ADAMTS3: variants seen among roughly 807,000 people sequenced by gnomAD.
ADAMTS3 encodes ADAM metallopeptidase with thrombospondin type 1 motif 3.
ADAMTS3 carries 73 observed loss-of-function variants against 129.0 expected under a neutral mutation model. The observed-to-expected ratio is 0.57, with a 90% CI of 0.47 to 0.69. ADAMTS3 has a LOEUF of 0.69. Ranked by LOEUF, ADAMTS3 falls within the 30% of genes least tolerant of loss-of-function variation. ADAMTS3 has a pLI of 0.00. For synonymous variants in ADAMTS3, 477 were observed against 510.8 expected (o/e 0.93, Z 0.89); for missense variants, 1,457 against 1,514.5 (o/e 0.96, Z 0.63).
intron 5 of ADAMTS3, among the ~76,000 whole-genome samples, chr4:72,330,218 C>T (rs1719810153): frequency 1.3e-5 from 2 of 152,024 alleles, no homozygotes; most frequent in African/African-American, 4.8e-5. Context: ...GGGGTTTCAC[C>T]ATGTTGGCCA....
intron 10 of ADAMTS3, among the ~76,000 whole-genome samples, chr4:72,317,420 G>T (rs1044062106): frequency 6.7e-6 from 1 of 149,932 alleles, no homozygotes; most frequent in Non-Finnish European, 1.5e-5. Flanking sequence ...AAACACTTAC[G>T]TTCCTTGCTC....
intron 4 of ADAMTS3, among the ~76,000 whole-genome samples, chr4:72,362,103 T>C (rs1205405570): frequency 1.3e-5 from 2 of 152,158 alleles, no homozygotes; most frequent in African/African-American, 4.8e-5. Context: ...CCATGATTTC[T>C]TGATCATTGA....
intron 5 of ADAMTS3, among the ~76,000 whole-genome samples, chr4:72,329,696 T>C (rs1719794242): frequency 6.6e-6 from 1 of 152,100 alleles, no homozygotes; most frequent in Admixed American, 6.6e-5. Context: ...GTTTAATCGC[T>C]TCCTTCCTAG....
intron 3 of ADAMTS3, among the ~76,000 whole-genome samples, chr4:72,420,646 T>C (rs1722420610): frequency 1.3e-5 from 2 of 152,206 alleles, no homozygotes. Flanking sequence ...TTTGTTCAGC[T>C]TGTTCAACTA....
chr4:72,423,621 T>C (rs761686291), intron 3 of ADAMTS3, among the ~76,000 whole-genome samples: 21 of 152,130 alleles, frequency 1.4e-4, no homozygotes, highest in Non-Finnish European at 2.8e-4. Context: ...GTTTGTTACA[T>C]ATGTATACAT....
chr4:72,555,348 C>T (rs1721735524), intron 2 of ADAMTS3, among the ~76,000 whole-genome samples: 1 of 151,716 alleles, frequency 6.6e-6, no homozygotes, highest in Non-Finnish European at 1.5e-5. Flanking sequence ...CTTAAGCATG[C>T]CTACATTCAC....
chr4:72,386,488 AACTATACCATC>A (rs1230248854), intron 4 of ADAMTS3, among the ~76,000 whole-genome samples: 15 of 152,150 alleles, frequency 9.9e-5, no homozygotes, highest in African/African-American at 3.4e-4. Flanking sequence ...TTTTTAAAGT[AACTATACCATC>A]AGTGCAATAA....
chr4:72,353,861 T>C (rs1720505537), intron 4 of ADAMTS3, among the ~76,000 whole-genome samples: 1 of 151,964 alleles, frequency 6.6e-6, no homozygotes, highest in South Asian at 2.1e-4. Context: ...ACCTGCAGGA[T>C]CCCTCCTACT....
At position 72,548,661 on chromosome 4, in the gene ADAMTS3, A is replaced by C; in HGVS notation, c.321T>G (p.Val107=). Residue 107 remains valine (V), a synonymous_variant, in exon 3 of 22, where the codon GTT becomes GTG. Coordinates refer to ENST00000286657, the MANE Select transcript of ADAMTS3 (RefSeq NM_014243.3). ...CCAGAGATGTCTCATGCCACTCCAC[A>C]ACAGCCCCAGGAGCTACTAGTTGAG... ...PNTQLVAPGA[V]VEWHETSLVP... 5.0e-6 allele frequency: 8 copies of C among 1,614,020 alleles called. No individual in the cohort carries two copies. The highest frequency in any genetic ancestry group is 6.8e-6 in the Non-Finnish European group (8 of 1,179,934).
intron 4 of ADAMTS3, among the ~76,000 whole-genome samples, chr4:72,340,159 A>G (rs548682564): frequency 1.5e-4 from 23 of 152,272 alleles, no homozygotes; most frequent in African/African-American, 5.3e-4. Context: ...CTTTCCAGTA[A>G]CCTTAATTTA....
intron 3 of ADAMTS3, among the ~76,000 whole-genome samples, chr4:72,474,547 C>A (rs1269589278): frequency 6.6e-6 from 1 of 151,810 alleles, no homozygotes; most frequent in East Asian, 1.9e-4. Context: ...ATAAACAGAG[C>A]CTCAGAAACC....
chr4:72,412,554 T>C (rs1722208305), intron 4 of ADAMTS3, among the ~76,000 whole-genome samples: 1 of 152,074 alleles, frequency 6.6e-6, no homozygotes, highest in South Asian at 2.1e-4. Context: ...GTTGCACTTC[T>C]AACATATATG....
chr4:72,555,853 G>A (rs1255095441), intron 2 of ADAMTS3, among the ~76,000 whole-genome samples: 1 of 151,526 alleles, frequency 6.6e-6, no homozygotes, highest in Non-Finnish European at 1.5e-5. Context: ...AAGGTGTGTA[G>A]TACTTTCCCC....
chr4:72,510,819 CAAAAAAAAAA>C (rs869030257), intron 3 of ADAMTS3, among the ~76,000 whole-genome samples: 7 of 63,670 alleles, frequency 1.1e-4, no homozygotes, highest in African/African-American at 4.1e-4. Context: ...ATCCTTAAGC[CAAAAAAAAAA>C]AAAAAAAAAA....
Position 72,319,879 on chromosome 4 carries a change from A to G in ADAMTS3, c.1187T>C (p.Val396Ala). The G allele has an allele frequency of 6.2e-7, 1 of 1,613,792 alleles. No individual in the cohort carries two copies. The highest frequency in any genetic ancestry group is 8.5e-7 in the Non-Finnish European group (1 of 1,179,780). ...TTACACATGGCCCGTTTCATGGGCTACTACAAAAGCAGATGAAAAACCATC... is the reference window on the plus strand; with the variant it reads ...TTACACATGGCCCGTTTCATGGGCTGCTACAAAAGCAGATGAAAAACCATC... ...HEDGFSSAFV[V>A]AHETGHVLGM... The change falls in exon 8 of 22, where the codon GTA (valine) becomes GCA (alanine). Residue 396 changes from valine to alanine, a missense_variant. Physicochemically the swap from Val to Ala is moderately conservative, Grantham distance 64. Transcript: ENST00000286657.
intron 3 of ADAMTS3, among the ~76,000 whole-genome samples, chr4:72,423,775 C>T (rs1373212980): frequency 6.6e-6 from 1 of 152,042 alleles, no homozygotes; most frequent in Non-Finnish European, 1.5e-5. Context: ...AGTAGAATGA[C>T]TAGTATTGAT....
chr4:72,442,751 G>C (rs530468126), intron 3 of ADAMTS3, among the ~76,000 whole-genome samples: 1 of 151,928 alleles, frequency 6.6e-6, no homozygotes, highest in East Asian at 2.0e-4. Context: ...AGTGCCAAAG[G>C]GCGCATTACA....
intron 3 of ADAMTS3, among the ~76,000 whole-genome samples, chr4:72,489,659 C>T (rs937705660): frequency 1.3e-5 from 2 of 151,916 alleles, no homozygotes; most frequent in Non-Finnish European, 2.9e-5. Context: ...CACTTCATTT[C>T]ATCACATAGG....
At position 72,283,633 on chromosome 4, in the gene ADAMTS3, C is replaced by T. The variant is rs554781376; in HGVS notation, c.3121G>A (p.Gly1041Ser). The T allele has an allele frequency of 6.2e-7, 1 of 1,613,922 alleles. No homozygotes were observed. The highest frequency in any genetic ancestry group is 8.5e-7 in the Non-Finnish European group (1 of 1,179,928). The stretch of plus-strand genomic sequence containing the variant: ...GACTCACAACATAACTTGTTATAAC[C>T]TGGTATGGAGCAGTATCGTGCCAAC... ...EVLARYCSIP[G>S]YNKLCCESCS... The change falls in exon 22 of 22, where the codon GGT (glycine) becomes AGT (serine). Residue 1041 changes from glycine to serine, a missense_variant. Gly to Ser is a moderately conservative substitution (Grantham distance 56). Coordinates refer to ENST00000286657, the MANE Select transcript of ADAMTS3 (RefSeq NM_014243.3).
Sources: allele counts gnomAD v4.1 joint callset (sites outside exome capture counted in the v4.1 genomes callset), GRCh38; gene constraint gnomAD v4.1.1; transcripts MANE v1.5; gene names NCBI Gene and HGNC (gene_info 2026-07-23, HGNC 2026-07-21).